Variants in PRIM2 observed in about 807,000 individuals in gnomAD.
The protein encoded by PRIM2 is DNA primase subunit 2, also known as DNA primase large subunit.
PRIM2 carries 39 observed loss-of-function variants against 67.3 expected under a neutral mutation model. That is an observed-to-expected ratio of 0.58 (90% confidence interval 0.45 to 0.76). PRIM2 has a LOEUF of 0.76. Ranked by LOEUF, PRIM2 falls within the 30% of genes least tolerant of loss-of-function variation. The pLI is 0.00. For missense variants in PRIM2, 398 were observed against 598.7 expected (o/e 0.66, Z 3.50); for synonymous variants, 143 against 198.7 (o/e 0.72, Z 2.36).
At chr6:57,262,294 T>A in the PRIM2 span, among the ~76,000 whole-genome samples, 4 of 152,296 alleles carry the variant, frequency 2.6e-5, no homozygotes, top group South Asian at 6.2e-4. Context: ...GCCTGACCCA[T>A]GTGTTCCAGG....
chr6:57,342,343 T>G (rs1581809328), intron 5 of PRIM2, among the ~76,000 whole-genome samples: 1 of 152,202 alleles, frequency 6.6e-6, no homozygotes, highest in East Asian at 1.9e-4. Flanking sequence ...TGGTGACTAT[T>G]TTGCATCTCC....
At chr6:57,375,581 T>A (rs1562719369) in intron 5 of PRIM2, among the ~76,000 whole-genome samples, 2 of 152,042 alleles carry the variant, frequency 1.3e-5, no homozygotes, top group Non-Finnish European at 2.9e-5. Context: ...ATGCTGACCC[T>A]TCCTCTGTTG....
chr6:57,318,289 C>T (rs778661946), intron 1 of PRIM2, 148 bp from the exon 2 acceptor site: 19 of 695,760 alleles, frequency 2.7e-5, no homozygotes, highest in Non-Finnish European at 4.5e-5. Context: ...AAGGACATCA[C>T]CCAGGAATTG....
At chr6:57,433,850 C>G (rs1227835145) in intron 7 of PRIM2, among the ~76,000 whole-genome samples, 3 of 151,418 alleles carry the variant, frequency 2.0e-5, no homozygotes. Context: ...TGTGGCATAT[C>G]TAGAAAGACT....
intron 7 of PRIM2, among the ~76,000 whole-genome samples, chr6:57,505,853 T>A (rs1774241106): frequency 6.6e-6 from 1 of 152,128 alleles, no homozygotes. Context: ...TTGACAGAAG[T>A]GACTGAAAAA....
intron 7 of PRIM2, among the ~76,000 whole-genome samples, chr6:57,422,935 G>T (rs1771512255): frequency 6.6e-6 from 1 of 152,174 alleles, no homozygotes; most frequent in Non-Finnish European, 1.5e-5. Flanking sequence ...GGAGGTAAAA[G>T]ACTTTAGTTG....
intron 12 of PRIM2, among the ~76,000 whole-genome samples, chr6:57,628,059 C>A (rs1436591744): frequency 1.3e-5 from 2 of 152,208 alleles, no homozygotes; most frequent in African/African-American, 4.8e-5. Context: ...CAGAATGGAA[C>A]ATGAAAACTG....
intron 13 of PRIM2, among the ~76,000 whole-genome samples, chr6:57,637,612 C>G (rs1411232392): frequency 1.3e-5 from 2 of 151,938 alleles, no homozygotes; most frequent in Non-Finnish European, 2.9e-5. Context: ...GAAGCATACA[C>G]AAGTATCTGT....
intron 10 of PRIM2, among the ~76,000 whole-genome samples, chr6:57,582,788 A>G (rs1191705199): frequency 1.3e-5 from 2 of 149,922 alleles, no homozygotes; most frequent in East Asian, 3.9e-4. Context: ...CTTTATTATT[A>G]TTATTATTAT....
chr6:57,343,346 T>C (rs1269440458), intron 5 of PRIM2, among the ~76,000 whole-genome samples: 9 of 152,240 alleles, frequency 5.9e-5, no homozygotes, highest in Non-Finnish European at 1.2e-4. Context: ...TGCATTGATA[T>C]ACATGACTCT....
intron 5 of PRIM2, among the ~76,000 whole-genome samples, chr6:57,375,263 G>A (rs1197014959): frequency 6.6e-6 from 1 of 152,186 alleles, no homozygotes; most frequent in Admixed American, 6.5e-5. Context: ...TTTATTGAGA[G>A]TTTTTAACAT....
chr6:57,275,031 T>C, the PRIM2 span, among the ~76,000 whole-genome samples: 1 of 151,828 alleles, frequency 6.6e-6, no homozygotes, highest in Non-Finnish European at 1.5e-5. Flanking sequence ...GTGATCCACC[T>C]GCCTTGGATT....
chr6:57,346,550 C>T (rs1168958927), intron 5 of PRIM2, among the ~76,000 whole-genome samples: 2 of 152,154 alleles, frequency 1.3e-5, no homozygotes, highest in Non-Finnish European at 2.9e-5. Context: ...GAACTCCTGA[C>T]CTTGTGACCC....
chr6:57,302,570 G>C, the PRIM2 span, among the ~76,000 whole-genome samples: 2 of 152,086 alleles, frequency 1.3e-5, no homozygotes, highest in Non-Finnish European at 2.9e-5. Context: ...CCTCTCAAAG[G>C]CATAACTACT....
At chr6:57,472,540 T>A (rs1773362738) in intron 7 of PRIM2, among the ~76,000 whole-genome samples, 1 of 152,186 alleles carries the variant, frequency 6.6e-6, no homozygotes, top group Non-Finnish European at 1.5e-5. Context: ...GTGGAGCACT[T>A]CAGTTATCAC....
intron 7 of PRIM2, among the ~76,000 whole-genome samples, chr6:57,396,103 G>C (rs1311323012): frequency 3.3e-5 from 5 of 152,192 alleles, no homozygotes; most frequent in African/African-American, 1.2e-4. Context: ...AAGGTTCTAT[G>C]TGCTATTGAA....
intron 5 of PRIM2, among the ~76,000 whole-genome samples, chr6:57,355,597 T>C (rs1417355012): frequency 6.6e-6 from 1 of 152,182 alleles, no homozygotes; most frequent in Non-Finnish European, 1.5e-5. Context: ...CAAGTGTGTC[T>C]GTGGCTGATT....
intron 7 of PRIM2, among the ~76,000 whole-genome samples, chr6:57,479,039 G>C (rs1412551987): frequency 6.6e-6 from 1 of 152,186 alleles, no homozygotes; most frequent in East Asian, 1.9e-4. Context: ...CCAGCTACTT[G>C]GGAGGCTGAG....
At chr6:57,622,112 A>G (rs1193760933) in intron 12 of PRIM2, among the ~76,000 whole-genome samples, 1 of 152,130 alleles carries the variant, frequency 6.6e-6, no homozygotes, top group Admixed American at 6.6e-5. Context: ...TGTTAGCTCC[A>G]GTATACCACT....
Sources: gnomAD v4.1 joint callset for allele counts (sites outside exome capture counted in the v4.1 genomes callset) on GRCh38, gnomAD v4.1.1 for gene constraint, MANE v1.5 for transcripts, NCBI Gene and HGNC (gene_info 2026-07-23, HGNC 2026-07-21) for gene names.